The following PLCG2 variants were observed in gnomAD, a reference collection of about 807,000 sequenced individuals.
PLCG2 encodes 1-phosphatidylinositol 4,5-bisphosphate phosphodiesterase gamma-2.
Under a neutral mutation model 175.6 loss-of-function variants are expected in PLCG2, and 69 were observed. The observed-to-expected ratio is 0.39, with a 90% CI of 0.32 to 0.48. The LOEUF is 0.48. Ranked by LOEUF, PLCG2 falls within the 20% of genes least tolerant of loss-of-function variation. The pLI, the probability that PLCG2 is intolerant of heterozygous loss-of-function variation, is 0.91. For synonymous variants in PLCG2, 827 were observed against 624.0 expected (o/e 1.33, Z -4.85); for missense variants, 1,798 against 1,650.9 (o/e 1.09, Z -1.54).
chr16:81,784,958 G>C (rs1910904881), intron 1 of PLCG2, among the ~76,000 whole-genome samples: 1 of 152,118 alleles, frequency 6.6e-6, no homozygotes, highest in Non-Finnish European at 1.5e-5. Context: ...AGGGACTAAG[G>C]GATTTTGAGC....
intron 10 of PLCG2, among the ~76,000 whole-genome samples, chr16:81,891,267 A>G (rs1193954203): frequency 6.6e-6 from 1 of 152,222 alleles, no homozygotes; most frequent in Non-Finnish European, 1.5e-5. Flanking sequence ...AATATTGTCT[A>G]GGTCCATGGA....
At chr16:81,863,160 C>A (rs1249694247) in intron 5 of PLCG2, among the ~76,000 whole-genome samples, 1 of 152,176 alleles carries the variant, frequency 6.6e-6, no homozygotes, top group Non-Finnish European at 1.5e-5. Flanking sequence ...AACTTTTTAT[C>A]ATCTCAAACT....
At chr16:81,813,665 G>C (rs945127746) in intron 2 of PLCG2, among the ~76,000 whole-genome samples, 2 of 152,216 alleles carry the variant, frequency 1.3e-5, no homozygotes, top group African/African-American at 4.8e-5. Flanking sequence ...TGTCTCACTT[G>C]GTGTTGCCTG....
chr16:81,915,407 T>C (rs777263925), intron 19 of PLCG2, among the ~76,000 whole-genome samples: 5 of 152,192 alleles, frequency 3.3e-5, no homozygotes, highest in African/African-American at 4.8e-5. Flanking sequence ...CCGGCTGTGA[T>C]TGGTGGAAGG....
Position 81,895,893 on chromosome 16 carries a change from C to G in PLCG2, c.1159C>G (p.Gln387Glu). The change falls in exon 13 of 33, where the codon CAG (glutamine) becomes GAG (glutamate). Residue 387 changes from glutamine (Q) to glutamate (E), a missense_variant. Gln to Glu is a conservative substitution (Grantham distance 29, BLOSUM62 2). Coordinates refer to ENST00000564138, the MANE Select transcript of PLCG2 (RefSeq NM_002661.5). ...CAAGATCAAGTTTGACGACGTCGTG[C>G]AGGCCATCAAAGACCACGCCTTTGT... ...TTKIKFDDVV[Q>E]AIKDHAFVTS... 6.2e-7 allele frequency: 1 copy of G among 1,614,114 alleles called. No individual in the cohort carries two copies. Among genetic ancestry groups the G allele is most frequent in the Non-Finnish European group, 8.5e-7 (1 of 1,180,004 alleles).
chr16:81,853,145 A>T (rs536387762), intron 2 of PLCG2, among the ~76,000 whole-genome samples: 1 of 152,306 alleles, frequency 6.6e-6, no homozygotes, highest in African/African-American at 2.4e-5. Context: ...AGCCTGGCCA[A>T]CATGATGAAA....
intron 15 of PLCG2, 37 bp from the exon 16 acceptor site, chr16:81,907,648 G>C (rs940095006): frequency 1.4e-6 from 2 of 1,481,316 alleles, no homozygotes; most frequent in East Asian, 2.3e-5. Flanking sequence ...ATGAGGTAGA[G>C]GACTTGGGGG....
At chr16:81,754,143 C>G (rs1467131186) in intron 1 of PLCG2, among the ~76,000 whole-genome samples, 1 of 151,970 alleles carries the variant, frequency 6.6e-6, no homozygotes, top group East Asian at 1.9e-4. Flanking sequence ...GGACCCACTT[C>G]TAGGTTTGCC....
intron 8 of PLCG2, among the ~76,000 whole-genome samples, chr16:81,882,000 G>T (rs990168340): frequency 9.9e-5 from 15 of 152,194 alleles, no homozygotes; most frequent in Admixed American, 3.3e-4. Context: ...AGACTGTGAG[G>T]CTGGTGGGGA....
intron 1 of PLCG2, among the ~76,000 whole-genome samples, chr16:81,748,174 C>T (rs1227372486): frequency 6.6e-6 from 1 of 152,152 alleles, no homozygotes; most frequent in South Asian, 2.1e-4. Context: ...CGCACCCGGC[C>T]AAGGCCCTTA....
rs1384683763 is a variant in PLCG2, at chr16:81,936,159, C to G, written c.2843-10C>G. ...ACAGAAGTACTGATGACCTTTTTCT[C>G]TGTGTGCAGAAAATCCTGACTTCCG... On this transcript the variant is annotated splice_polypyrimidine_tract_variant and intron_variant, in intron 26 of 32. Coordinates refer to ENST00000564138, the MANE Select transcript of PLCG2 (RefSeq NM_002661.5). 5 of 1,613,478 alleles carry G rather than the reference C, an allele frequency of 3.1e-6. No individual in the cohort carries two copies. Among genetic ancestry groups the G allele is most frequent in the East Asian group, 2.2e-5 (1 of 44,888 alleles).
intron 7 of PLCG2, among the ~76,000 whole-genome samples, chr16:81,874,443 C>G (rs1267067843): frequency 1.3e-5 from 2 of 152,338 alleles, no homozygotes; most frequent in Non-Finnish European, 1.5e-5. Flanking sequence ...AAGTCCCAAG[C>G]TATGTAGATG....
intron 2 of PLCG2, among the ~76,000 whole-genome samples, chr16:81,849,634 G>T (rs1200015551): frequency 6.6e-6 from 1 of 151,986 alleles, no homozygotes; most frequent in African/African-American, 2.4e-5. Flanking sequence ...TTCCAGGTCT[G>T]GTGGCGGATG....
intron 12 of PLCG2, 195 bp from the exon 13 acceptor site, chr16:81,895,612 C>A: frequency 1.8e-6 from 1 of 552,880 alleles, no homozygotes; most frequent in Non-Finnish European, 3.2e-6. Flanking sequence ...TTGTCTTGGA[C>A]AGCTGCACTT....
chr16:81,893,805 C>A lies in PLCG2; in HGVS notation c.1072+11C>A. 1 of 1,580,520 alleles carries A rather than the reference C, an allele frequency of 6.3e-7. No individual in the cohort carries two copies. Among genetic ancestry groups the A allele is most frequent in the Non-Finnish European group, 8.7e-7 (1 of 1,151,412 alleles). ...GTCGCTGCATTGAACGTGAGTAGCT[C>A]CTTCTTGGTGGAGGTCAGGCTCGCA... On this transcript the variant is annotated intron_variant, in intron 12 of 32. Transcript: ENST00000564138.
At chr16:81,775,095 G>A (rs1343083683), upstream of PLCG2, among the ~76,000 whole-genome samples, 1 of 152,070 alleles carries the variant, frequency 6.6e-6, no homozygotes, top group African/African-American at 2.4e-5. Context: ...CACATCCCAT[G>A]CAACTCATGC....
rs1465646848 is a variant in PLCG2, at chr16:81,880,929, A to G, written c.668A>G (p.Lys223Arg). 1.2e-6 allele frequency: 2 copies of G among 1,614,188 alleles called. No homozygotes were observed. Among genetic ancestry groups the G allele is most frequent in the Non-Finnish European group, 8.5e-7 (1 of 1,179,994 alleles). The change falls in exon 8 of 33, where the codon AAG becomes AGG. Residue 223 changes from lysine to arginine, a missense_variant. By Grantham distance (26) the Lys-to-Arg change is conservative. Coordinates refer to ENST00000564138, the MANE Select transcript of PLCG2 (RefSeq NM_002661.5). Reference protein sequence around the residue: ...QQKSILDEFKKDSSVFILGNT... With the variant: ...QQKSILDEFKRDSSVFILGNT... ...TTTCAGATTCTCGATGAATTCAAAA[A>G]GGATTCGTCCGTGTTCATCCTGGGG... is the stretch of plus-strand genomic sequence containing the variant.
upstream of PLCG2, among the ~76,000 whole-genome samples, chr16:81,778,038 A>AC (rs1419256744): frequency 0.12 from 9,440 of 80,940 alleles, 1,146 homozygotes; most frequent in South Asian, 0.16. Context: ...AAAACAAAAA[A>AC]AAAACAAAAA....
At chr16:81,852,344 C>T (rs78579348) in intron 2 of PLCG2, among the ~76,000 whole-genome samples, 1 of 152,084 alleles carries the variant, frequency 6.6e-6, no homozygotes, top group East Asian at 1.9e-4. Flanking sequence ...ATTCCCTGGC[C>T]CCTGCTGTCG....
Sources: allele counts gnomAD v4.1 joint callset (sites outside exome capture counted in the v4.1 genomes callset), GRCh38; gene constraint gnomAD v4.1.1; transcripts MANE v1.5; gene names NCBI Gene and HGNC (gene_info 2026-07-23, HGNC 2026-07-21).